The following BCR variants were observed in gnomAD, a reference collection of about 807,000 sequenced individuals.
BCR encodes breakpoint cluster region protein.
In BCR, 58 loss-of-function variants were observed where a neutral mutation model predicts 138.6. That is an observed-to-expected ratio of 0.42 (90% CI 0.34 to 0.52). The LOEUF (loss-of-function observed/expected upper bound fraction) is 0.52. Among genes scored for constraint, BCR ranks in the 20% least tolerant of loss-of-function variants. BCR has a pLI of 0.06. For missense variants in BCR, 1,599 were observed against 1,727.2 expected (o/e 0.93, Z 1.32); for synonymous variants, 786 against 730.1 (o/e 1.08, Z -1.23).
At chr22:23,215,493 G>A (rs533311651) in intron 1 of BCR, among the ~76,000 whole-genome samples, 1 of 152,240 alleles carries the variant, frequency 6.6e-6, no homozygotes, top group Non-Finnish European at 1.5e-5. Context: ...AGGGTTTCTG[G>A]CTGCAAGCCC....
chr22:23,206,897 C>A (rs945142811), intron 1 of BCR, among the ~76,000 whole-genome samples: 1 of 136,374 alleles, frequency 7.3e-6, no homozygotes, highest in South Asian at 2.1e-4. Flanking sequence ...CTTTATTCAT[C>A]ATCCATCCAA....
intron 21 of BCR, 133 bp from the exon 22 acceptor site, chr22:23,314,419 G>A (rs1277111136): frequency 2.8e-6 from 3 of 1,065,444 alleles, no homozygotes; most frequent in Admixed American, 4.0e-5. Context: ...AGAAGTACCA[G>A]GGCTGGAGTC....
chr22:23,288,503 C>T (rs5751619), intron 12 of BCR, among the ~76,000 whole-genome samples: 51,658 of 150,654 alleles, frequency 0.34, 9,945 homozygotes, highest in African/African-American at 0.51. Context: ...TAGTCTGCTG[C>T]CCATACACCG....
intron 1 of BCR, among the ~76,000 whole-genome samples, chr22:23,194,362 T>C (rs1386020864): frequency 1.3e-5 from 2 of 150,496 alleles, no homozygotes; most frequent in African/African-American, 4.9e-5. Flanking sequence ...AATTCCAGCA[T>C]CTTGGGAGGC....
At chr22:23,185,130 G>A (rs1268549165) in intron 1 of BCR, among the ~76,000 whole-genome samples, 2 of 152,176 alleles carry the variant, frequency 1.3e-5, no homozygotes, top group African/African-American at 2.4e-5. Flanking sequence ...TCGCCCTGGG[G>A]TGGGGCTGCC....
chr22:23,233,789 CAAAA>C (rs59819093), intron 1 of BCR, among the ~76,000 whole-genome samples: 10 of 70,070 alleles, frequency 1.4e-4, no homozygotes, highest in African/African-American at 3.5e-4. Context: ...GACCCTGTCT[CAAAA>C]AAAAAAAAAA....
chr22:23,292,773 C>T lies in BCR; in HGVS notation c.2880+135C>T, dbSNP rs543901819. On this transcript the variant is annotated intron_variant, in intron 15 of 22. Coordinates refer to ENST00000305877, the MANE Select transcript of BCR (RefSeq NM_004327.4). ...AGTGCTGCTGAATTCCAGGAATCTC[C>T]TGGGGGGCCAGTAGGTGACGTGTCC... The T allele has an allele frequency of 2.8e-4, 191 of 671,140 alleles. 2 individuals are homozygous for T. In the African/African-American group the frequency reaches 3.0e-3, roughly 10 times the overall value. 41.6% of individuals were successfully genotyped at this position (671,140 alleles called of 1,614,324 possible). A position where few individuals can be genotyped will look rare whatever the true frequency, so the allele number is the denominator to read the frequency against.
chr22:23,289,978 G>C (rs2073766358), intron 13 of BCR: 1 of 501,126 alleles, frequency 2.0e-6, no homozygotes, highest in African/African-American at 1.9e-5. Context: ...TTTTGGTCAA[G>C]CTGTTTTGCA....
At chr22:23,299,035 C>T (rs921394276) in intron 16 of BCR, among the ~76,000 whole-genome samples, 3 of 151,516 alleles carry the variant, frequency 2.0e-5, no homozygotes, top group African/African-American at 4.9e-5. Context: ...CTGGCTCTGT[C>T]GCCCAGGCTG....
At position 23,295,681 on chromosome 22, in the gene BCR, G is replaced by C. The variant is rs143990614; in HGVS notation, c.3012+526G>C. On this transcript the variant is annotated intron_variant, in intron 16 of 22. Coordinates refer to ENST00000305877, the MANE Select transcript of BCR (RefSeq NM_004327.4). ...TCCCAGGCTAATCTGGAAGCCCCCA[G>C]GTGAGACCGAGAATGTGTCCATACA... Among the ~76,000 whole-genome samples, 1,192 of 152,270 alleles carry C rather than the reference G, an allele frequency of 7.8e-3. 19 individuals are homozygous for C. Among genetic ancestry groups the C allele is most frequent in the African/African-American group, 0.027 (1,130 of 41,544 alleles).
At chr22:23,228,307 C>T (rs1159824958) in intron 1 of BCR, among the ~76,000 whole-genome samples, 6 of 152,122 alleles carry the variant, frequency 3.9e-5, no homozygotes, top group Non-Finnish European at 8.8e-5. Flanking sequence ...TCATTCCAAA[C>T]CAGTTTCTAA....
Position 23,181,260 on chromosome 22 carries a change from G to T in BCR, c.300G>T (p.Ala100=). The change falls in exon 1 of 23, where the codon GCG becomes GCT. Residue 100 remains alanine (A), a synonymous_variant. Transcript: ENST00000305877. ...PRASASRPQP[A]PADGADPPPA... ...CGTCCGCGTCGCGCCCGCAGCCAGC[G>T]CCCGCCGACGGAGCCGACCCGCCGC... 1 of 1,249,118 alleles carries T rather than the reference G, an allele frequency of 8.0e-7. No individual in the cohort carries two copies. The highest frequency in any genetic ancestry group is 3.3e-5 in the South Asian group (1 of 30,238). 77.4% of individuals were successfully genotyped at this position (1,249,118 alleles called of 1,614,324 possible).
intron 5 of BCR, among the ~76,000 whole-genome samples, chr22:23,270,275 T>C (rs1485525421): frequency 6.6e-6 from 1 of 152,110 alleles, no homozygotes; most frequent in Non-Finnish European, 1.5e-5. Context: ...TAGATCTGGT[T>C]CCATGGAACA....
At chr22:23,188,287 A>C (rs2072372921) in intron 1 of BCR, among the ~76,000 whole-genome samples, 1 of 152,208 alleles carries the variant, frequency 6.6e-6, no homozygotes, top group South Asian at 2.1e-4. Context: ...AACAGAATGG[A>C]GCATTCTGAA....
intron 1 of BCR, among the ~76,000 whole-genome samples, chr22:23,234,443 A>G (rs2072999774): frequency 6.6e-6 from 1 of 152,118 alleles, no homozygotes; most frequent in African/African-American, 2.4e-5. Flanking sequence ...AGCCCGTCCT[A>G]AGGAGCTTAT....
At chr22:23,252,348 A>T (rs1390101274) in intron 1 of BCR, among the ~76,000 whole-genome samples, 1 of 151,996 alleles carries the variant, frequency 6.6e-6, no homozygotes, top group Non-Finnish European at 1.5e-5. Flanking sequence ...CCCCATGGGC[A>T]GGTGTGCAAG....
At chr22:23,280,729 T>C (rs555777072) in intron 8 of BCR, among the ~76,000 whole-genome samples, 1 of 152,214 alleles carries the variant, frequency 6.6e-6, no homozygotes, top group East Asian at 1.9e-4. Flanking sequence ...CGGGCTCCTG[T>C]GGGGATGATG....
chr22:23,220,327 G>A (rs1218549349), intron 1 of BCR, among the ~76,000 whole-genome samples: 2 of 152,212 alleles, frequency 1.3e-5, no homozygotes, highest in Non-Finnish European at 2.9e-5. Flanking sequence ...AGGGGAGGAG[G>A]GGTGAATGAC....
intron 2 of BCR, among the ~76,000 whole-genome samples, chr22:23,254,276 G>A (rs1218771667): frequency 1.3e-5 from 2 of 152,012 alleles, no homozygotes; most frequent in African/African-American, 4.8e-5. Context: ...GCGTGGTGGC[G>A]CCGGCAACAC....
Sources: gnomAD v4.1 joint callset for allele counts (sites outside exome capture counted in the v4.1 genomes callset) on GRCh38, gnomAD v4.1.1 for gene constraint, MANE v1.5 for transcripts, NCBI Gene and HGNC (gene_info 2026-07-23, HGNC 2026-07-21) for gene names.